The following PDE4D variants were observed in gnomAD, a reference collection of about 807,000 sequenced individuals.
PDE4D encodes the protein phosphodiesterase 4D.
In PDE4D, 24 loss-of-function variants were observed where a neutral mutation model predicts 87.4. The ratio of observed to expected loss-of-function variants is 0.27; its 90% CI spans 0.20 to 0.39. The LOEUF (loss-of-function observed/expected upper bound fraction) is 0.39. Ranked by LOEUF, PDE4D falls within the 10% of genes least tolerant of loss-of-function variation. PDE4D has a pLI of 1.00. For missense variants in PDE4D, 714 were observed against 1,041.0 expected (o/e 0.69, Z 4.32); for synonymous variants, 384 against 383.2 (o/e 1.00, Z -0.02).
chr5:59,327,244 A>C (rs988661010), intron 1 of PDE4D, among the ~76,000 whole-genome samples: 8 of 152,068 alleles, frequency 5.3e-5, no homozygotes, highest in Non-Finnish European at 2.9e-5. Context: ...GCAGAAACTC[A>C]AGTGCCCATA....
intron 1 of PDE4D, among the ~76,000 whole-genome samples, chr5:59,742,020 A>T (rs951631264): frequency 1.3e-5 from 2 of 152,112 alleles, no homozygotes; most frequent in Non-Finnish European, 2.9e-5. Flanking sequence ...TGTTGTTGTT[A>T]CTGATATCAA....
At chr5:60,255,832 G>C (rs1183123047) in intron 1 of PDE4D, among the ~76,000 whole-genome samples, 1 of 150,010 alleles carries the variant, frequency 6.7e-6, no homozygotes, top group Non-Finnish European at 1.5e-5. Flanking sequence ...AACAACAAAG[G>C]AATAAGCTTA....
At chr5:59,826,554 C>T (rs1050543623) in intron 1 of PDE4D, among the ~76,000 whole-genome samples, 3 of 151,788 alleles carry the variant, frequency 2.0e-5, no homozygotes, top group Non-Finnish European at 4.4e-5. Flanking sequence ...CTGTGCACAA[C>T]ATGCAATGCA....
At chr5:59,013,128 T>C (rs1386257017) in intron 6 of PDE4D, among the ~76,000 whole-genome samples, 4 of 152,156 alleles carry the variant, frequency 2.6e-5, no homozygotes, top group African/African-American at 9.7e-5. Context: ...CATACTAGAA[T>C]CTCTGTGACA....
chr5:60,449,603 C>A (rs1745931880), intron 1 of PDE4D, among the ~76,000 whole-genome samples: 1 of 150,754 alleles, frequency 6.6e-6, no homozygotes, highest in Non-Finnish European at 1.5e-5. Flanking sequence ...TGTAACTAAC[C>A]TGCACATTGT....
At chr5:59,528,688 G>A (rs1156455598) in intron 1 of PDE4D, among the ~76,000 whole-genome samples, 1 of 152,202 alleles carries the variant, frequency 6.6e-6, no homozygotes, top group Non-Finnish European at 1.5e-5. Context: ...ACAAAAGGAG[G>A]TTATGAGATA....
At chr5:59,306,156 CTT>C (rs1343748204) in intron 1 of PDE4D, among the ~76,000 whole-genome samples, 6 of 152,166 alleles carry the variant, frequency 3.9e-5, no homozygotes, top group Admixed American at 3.9e-4. Flanking sequence ...CTCTTTGTCT[CTT>C]TTAACTGCTA....
intron 13 of PDE4D, among the ~76,000 whole-genome samples, chr5:58,976,068 T>C (rs962546211): frequency 5.9e-5 from 9 of 152,170 alleles, no homozygotes; most frequent in Admixed American, 5.9e-4. Flanking sequence ...AGAGAAACTG[T>C]TTATGTGCAT....
intron 1 of PDE4D, among the ~76,000 whole-genome samples, chr5:59,482,594 GT>G (rs1804458627): frequency 1.3e-5 from 2 of 152,208 alleles, no homozygotes; most frequent in South Asian, 2.1e-4. Flanking sequence ...ATTCGCCCTT[GT>G]TGTGTCTGAA....
intron 1 of PDE4D, among the ~76,000 whole-genome samples, chr5:59,523,076 C>G (rs1812513289): frequency 6.6e-6 from 1 of 152,182 alleles, no homozygotes; most frequent in African/African-American, 2.4e-5. Context: ...TGAATGCCAA[C>G]TAATATCATT....
rs1043558241 is a variant in PDE4D, at chr5:59,227,926, A to G, written c.456-11958T>C. Among the ~76,000 whole-genome samples the G allele has an allele frequency of 2.0e-5, 3 of 152,320 alleles. No individual in the cohort carries two copies. The South Asian group carries it at 6.2e-4, about 32-fold the overall frequency. On this transcript the variant is annotated intron_variant, in intron 1 of 14. Transcript: ENST00000340635. ...GTATATACCAAAAGGAATATAAATC[A>G]TTCTACCATAAAGATACGTGCATGC...
intron 3 of PDE4D, among the ~76,000 whole-genome samples, chr5:59,921,898 A>G (rs766515607): frequency 1.3e-5 from 2 of 152,228 alleles, no homozygotes; most frequent in Non-Finnish European, 2.9e-5. Context: ...TCAGGTGAGC[A>G]ATCTCTGTAC....
At chr5:59,541,774 G>A (rs1015554349) in intron 1 of PDE4D, among the ~76,000 whole-genome samples, 1 of 152,188 alleles carries the variant, frequency 6.6e-6, no homozygotes. Flanking sequence ...CCCTTCAGCT[G>A]AATCTACTCA....
chr5:59,311,657 C>A (rs917054643), intron 1 of PDE4D, among the ~76,000 whole-genome samples: 8 of 151,964 alleles, frequency 5.3e-5, no homozygotes, highest in Non-Finnish European at 1.2e-4. Flanking sequence ...TTAAAATCTG[C>A]GATAAATCCA....
chr5:59,248,735 A>G (rs1297787173), intron 1 of PDE4D, among the ~76,000 whole-genome samples: 1 of 152,152 alleles, frequency 6.6e-6, no homozygotes, highest in Non-Finnish European at 1.5e-5. Flanking sequence ...GTGTCTACAC[A>G]TGATAGATGA....
intron 5 of PDE4D, among the ~76,000 whole-genome samples, chr5:59,127,600 T>TCCCCACCCCCCCACCCCCCCACCC (rs199810523): frequency 1.0e-5 from 1 of 97,002 alleles, no homozygotes; most frequent in African/African-American, 4.0e-5. Context: ...CTTCTTTCCC[T>TCCCCACCCCCCCACCCCCCCACCC]CCCCACCCCC....
chr5:59,851,121 C>T (rs1423732358), intron 1 of PDE4D, among the ~76,000 whole-genome samples: 2 of 152,052 alleles, frequency 1.3e-5, no homozygotes, highest in South Asian at 2.1e-4. Context: ...TATGAAGACA[C>T]TCATGCAGCC....
At chr5:59,949,039 A>G (rs1030104243) in intron 3 of PDE4D, among the ~76,000 whole-genome samples, 2 of 152,192 alleles carry the variant, frequency 1.3e-5, no homozygotes, top group African/African-American at 4.8e-5. Context: ...GTGGCAGAGG[A>G]CTCAACCTTG....
chr5:59,702,471 T>TA (rs1752723062), intron 1 of PDE4D, among the ~76,000 whole-genome samples: 1 of 151,942 alleles, frequency 6.6e-6, no homozygotes, highest in Non-Finnish European at 1.5e-5. Context: ...GCTGAGAGAA[T>TA]AAAAAAATTA....
Sources: allele counts gnomAD v4.1 joint callset (sites outside exome capture counted in the v4.1 genomes callset), GRCh38; gene constraint gnomAD v4.1.1; transcripts MANE v1.5; gene names NCBI Gene and HGNC (gene_info 2026-07-23, HGNC 2026-07-21).